The following GPC5 variants were observed in gnomAD, a reference collection of about 807,000 sequenced individuals.
The protein encoded by GPC5 is glypican-5.
GPC5 carries 47 observed loss-of-function variants against 53.9 expected under a neutral mutation model. The ratio of observed to expected loss-of-function variants is 0.87; its 90% CI spans 0.69 to 1.11. The LOEUF is 1.11. GPC5 is among the 50% of genes most tolerant of loss of function. The pLI is 0.00. For missense variants in GPC5, 748 were observed against 713.1 expected, an observed-to-expected ratio of 1.05 and a Z score of -0.56; for synonymous variants, 286 against 263.3, an observed-to-expected ratio of 1.09 and a Z score of -0.84.
chr13:92,470,907 T>C (rs1320175190), intron 7 of GPC5, among the ~76,000 whole-genome samples: 3 of 152,114 alleles, frequency 2.0e-5, no homozygotes, highest in African/African-American at 7.2e-5. Context: ...CTGCTAATCA[T>C]GTGTGAGAAG....
intron 7 of GPC5, among the ~76,000 whole-genome samples, chr13:92,862,281 A>G (rs1879205341): frequency 6.6e-6 from 1 of 152,178 alleles, no homozygotes; most frequent in South Asian, 2.1e-4. Flanking sequence ...TCTTGTGTAA[A>G]TGAGTCATTA....
intron 5 of GPC5, among the ~76,000 whole-genome samples, chr13:91,832,341 A>T (rs1398048594): frequency 3.2e-5 from 4 of 125,936 alleles, no homozygotes; most frequent in South Asian, 2.4e-4. Flanking sequence ...CTTGGTAAAT[A>T]TTCCTCCGTC....
At chr13:91,715,264 C>A (rs76122008) in intron 3 of GPC5, among the ~76,000 whole-genome samples, 1 of 152,144 alleles carries the variant, frequency 6.6e-6, no homozygotes, top group Non-Finnish European at 1.5e-5. Flanking sequence ...CCTCCAGAGA[C>A]AAGTTCTGCC....
chr13:92,082,679 T>C (rs1399987288), intron 6 of GPC5, among the ~76,000 whole-genome samples: 2 of 152,182 alleles, frequency 1.3e-5, no homozygotes, highest in Non-Finnish European at 2.9e-5. Flanking sequence ...AATTGATAAA[T>C]AAGAGTTTAA....
At chr13:92,558,003 A>T (rs562968608) in intron 7 of GPC5, among the ~76,000 whole-genome samples, 1 of 152,166 alleles carries the variant, frequency 6.6e-6, no homozygotes, top group Non-Finnish European at 1.5e-5. Context: ...TGATAAATAT[A>T]AAGACTTTGG....
At chr13:92,847,892 C>T (rs1878664585) in intron 7 of GPC5, among the ~76,000 whole-genome samples, 1 of 152,104 alleles carries the variant, frequency 6.6e-6, no homozygotes, top group Admixed American at 6.5e-5. Flanking sequence ...AGGTGATTAA[C>T]TTTGTAGTAA....
intron 5 of GPC5, among the ~76,000 whole-genome samples, chr13:91,835,453 A>T (rs1470433119): frequency 6.6e-6 from 1 of 152,230 alleles, no homozygotes; most frequent in Non-Finnish European, 1.5e-5. Context: ...TTATTGTGGC[A>T]CTATTCACAA....
chr13:92,842,388 A>G (rs1006343660), intron 7 of GPC5, among the ~76,000 whole-genome samples: 20 of 152,080 alleles, frequency 1.3e-4, no homozygotes, highest in African/African-American at 4.8e-4. Context: ...TGAATGCTAC[A>G]TATTAGTTGG....
chr13:92,486,572 A>G (rs1364524074), intron 7 of GPC5, among the ~76,000 whole-genome samples: 1 of 152,186 alleles, frequency 6.6e-6, no homozygotes, highest in African/African-American at 2.4e-5. Context: ...GTAGAGTTTT[A>G]GTTTCTAACA....
chr13:92,533,657 T>C (rs9523707), intron 7 of GPC5, among the ~76,000 whole-genome samples: 21,626 of 152,054 alleles, frequency 0.14, 2,035 homozygotes, highest in Non-Finnish European at 0.21. Flanking sequence ...AGAGGGTAAG[T>C]GTATGTTTGA....
intron 5 of GPC5, among the ~76,000 whole-genome samples, chr13:91,769,864 G>C (rs1038029497): frequency 6.6e-6 from 1 of 152,122 alleles, no homozygotes. Context: ...CAACTGTCCA[G>C]TTCTCTTTGA....
intron 6 of GPC5, among the ~76,000 whole-genome samples, chr13:92,012,258 C>T (rs934148866): frequency 6.6e-6 from 1 of 151,888 alleles, no homozygotes; most frequent in Admixed American, 6.6e-5. Flanking sequence ...TAATTTTTTT[C>T]ATTTTCTTTT....
At chr13:92,354,882 A>G (rs1231608755) in intron 7 of GPC5, among the ~76,000 whole-genome samples, 1 of 152,088 alleles carries the variant, frequency 6.6e-6, no homozygotes, top group African/African-American at 2.4e-5. Context: ...ACTGGAGAGG[A>G]GTAGAGTAAG....
At chr13:91,459,325 A>T (rs1881777497) in intron 2 of GPC5, among the ~76,000 whole-genome samples, 1 of 152,108 alleles carries the variant, frequency 6.6e-6, no homozygotes, top group African/African-American at 2.4e-5. Context: ...AAAAAATAAA[A>T]TAAGCACTCT....
chr13:92,705,389 T>TA (rs1311063848), intron 7 of GPC5, among the ~76,000 whole-genome samples: 1 of 152,134 alleles, frequency 6.6e-6, no homozygotes, highest in Non-Finnish European at 1.5e-5. Flanking sequence ...AGTAAGTTTT[T>TA]ATAGGGCAAT....
chr13:92,098,734 A>T (rs527270593), intron 6 of GPC5, among the ~76,000 whole-genome samples: 6 of 152,182 alleles, frequency 3.9e-5, no homozygotes, highest in Non-Finnish European at 7.3e-5. Flanking sequence ...GGTGAGTCCA[A>T]CGTAATCACA....
At chr13:92,451,778 C>T (rs1197562159) in intron 7 of GPC5, among the ~76,000 whole-genome samples, 1 of 152,164 alleles carries the variant, frequency 6.6e-6, no homozygotes, top group Non-Finnish European at 1.5e-5. Context: ...TTTAGAATTG[C>T]TGCAAAATTG....
At chr13:91,732,214 A>G (rs2036714898) in intron 4 of GPC5, among the ~76,000 whole-genome samples, 2 of 152,132 alleles carry the variant, frequency 1.3e-5, no homozygotes, top group African/African-American at 4.8e-5. Flanking sequence ...TGACTCTTTA[A>G]TGATCGCCAT....
intron 6 of GPC5, among the ~76,000 whole-genome samples, chr13:92,110,268 T>C (rs1461504769): frequency 6.6e-6 from 1 of 152,092 alleles, no homozygotes; most frequent in Non-Finnish European, 1.5e-5. Flanking sequence ...GGAAGGGAAT[T>C]TTTACTCATT....
Sources: gnomAD v4.1 joint callset for allele counts (sites outside exome capture counted in the v4.1 genomes callset) on GRCh38, gnomAD v4.1.1 for gene constraint, MANE v1.5 for transcripts, NCBI Gene and HGNC (gene_info 2026-07-23, HGNC 2026-07-21) for gene names.